The following MCTP2 variants were observed in gnomAD, a reference collection of about 807,000 sequenced individuals.
MCTP2 encodes multiple C2 and transmembrane domain-containing protein 2.
A neutral mutation model predicts 111.6 loss-of-function variants in MCTP2; 132 were observed. The observed-to-expected ratio is 1.18, with a 90% CI of 1.03 to 1.37. MCTP2 has a LOEUF of 1.37. Among genes scored for constraint, MCTP2 ranks in the 40% most tolerant of loss-of-function variants. MCTP2 has a pLI of 0.00. For missense variants in MCTP2, 1,183 were observed against 1,067.9 expected, an observed-to-expected ratio of 1.11 and a Z score of -1.50; for synonymous variants, 395 against 387.7, an observed-to-expected ratio of 1.02 and a Z score of -0.22.
intron 19 of MCTP2, among the ~76,000 whole-genome samples, chr15:94,449,236 T>A: frequency 1.3e-5 from 2 of 152,350 alleles, no homozygotes; most frequent in Middle Eastern, 6.8e-3. Context: ...CAATTAGATT[T>A]ATGAAAATAT....
At chr15:94,407,287 A>G (rs1567644975) in intron 17 of MCTP2, among the ~76,000 whole-genome samples, 1 of 152,220 alleles carries the variant, frequency 6.6e-6, no homozygotes. Flanking sequence ...TGATGCTTTT[A>G]ACATAGAATT....
intron 17 of MCTP2, among the ~76,000 whole-genome samples, chr15:94,410,694 C>G (rs1182390194): frequency 1.3e-5 from 2 of 152,198 alleles, no homozygotes; most frequent in African/African-American, 4.8e-5. Context: ...AAGGCCCAGT[C>G]TTTCATCTTT....
chr15:94,345,603 A>C (rs1412393611), intron 8 of MCTP2, among the ~76,000 whole-genome samples: 4 of 152,138 alleles, frequency 2.6e-5, no homozygotes, highest in East Asian at 3.8e-4. Flanking sequence ...TTTTTGGTAA[A>C]ATTTCCTTTA....
chr15:94,283,362 G>A (rs1413425720), intron 1 of MCTP2, among the ~76,000 whole-genome samples: 2 of 152,178 alleles, frequency 1.3e-5, no homozygotes, highest in Non-Finnish European at 2.9e-5. Context: ...AGCCTTGGGG[G>A]GTGGGCTTTC....
Position 94,480,629 on chromosome 15 carries a change from C to T in MCTP2, c.*1595C>T, listed in dbSNP as rs2074678246. 1 of 152,234 alleles carries T rather than the reference C, an allele frequency of 6.6e-6. No individual in the cohort carries two copies. Among genetic ancestry groups the T allele is most frequent in the South Asian group, 2.1e-4 (1 of 4,828 alleles). 9.4% of individuals were successfully genotyped at this position (152,234 alleles called of 1,614,324 possible). On this transcript the variant is annotated 3_prime_UTR_variant, in exon 23 of 23. Transcript: ENST00000357742. Reference sequence around the variant, plus strand: ...TCAATCTTCTGTGTAAACAATGCCTCATTGTCTTGCTTCTAACTATCATCT... The same window carrying T: ...TCAATCTTCTGTGTAAACAATGCCTTATTGTCTTGCTTCTAACTATCATCT...
chr15:94,298,742 G>C lies in MCTP2; in HGVS notation c.465+12G>C. The stretch of plus-strand genomic sequence containing the variant: ...CAGAAGAGCCAGAGGTGAGAATAGG[G>C]CTGGGCTCTCTTTTTTTTTGTCTCT... On this transcript the variant is annotated intron_variant, in intron 2 of 22. Coordinates refer to ENST00000357742, the MANE Select transcript of MCTP2 (RefSeq NM_001385001.1). The C allele has an allele frequency of 6.5e-7, 1 of 1,532,768 alleles. No individual in the cohort carries two copies. Among genetic ancestry groups the C allele is most frequent in the Non-Finnish European group, 8.7e-7 (1 of 1,142,872 alleles). 94.9% of individuals were successfully genotyped at this position (1,532,768 alleles called of 1,614,324 possible). A position where few individuals can be genotyped will look rare whatever the true frequency, so the allele number is the denominator to read the frequency against.
chr15:94,240,983 A>T (rs973865887), intron 1 of MCTP2, among the ~76,000 whole-genome samples: 1 of 152,184 alleles, frequency 6.6e-6, no homozygotes, highest in Non-Finnish European at 1.5e-5. Flanking sequence ...TATTATTAGC[A>T]TTAAGACACA....
intron 21 of MCTP2, 45 bp from the exon 22 acceptor site, chr15:94,476,644 ATAGATAG>A (rs1477189560): frequency 4.9e-5 from 45 of 909,980 alleles, no homozygotes; most frequent in Non-Finnish European, 7.4e-5. Context: ...AGATAGATAG[ATAGATAG>A]ACAGACAGAC....
chr15:94,367,545 G>A, intron 10 of MCTP2, 60 bp from the exon 11 acceptor site: 1 of 1,321,580 alleles, frequency 7.6e-7, no homozygotes, highest in Non-Finnish European at 1.1e-6. Flanking sequence ...TGCTTTGGAG[G>A]TACTGCAGTG....
intron 12 of MCTP2, 142 bp downstream of exon 12, chr15:94,370,322 G>A (rs2079415873): frequency 1.8e-6 from 1 of 545,610 alleles, no homozygotes. Flanking sequence ...CAAAAAAGAG[G>A]CAGACTTGAG....
At chr15:94,267,917 G>A (rs1189753192) in intron 1 of MCTP2, among the ~76,000 whole-genome samples, 2 of 114,322 alleles carry the variant, frequency 1.7e-5, no homozygotes, top group East Asian at 5.3e-4. Flanking sequence ...CCAGGCTAGA[G>A]TGCAGAGGCG....
chr15:94,241,563 GTAT>G (rs1238319559), intron 1 of MCTP2, among the ~76,000 whole-genome samples: 1 of 152,074 alleles, frequency 6.6e-6, no homozygotes, highest in East Asian at 1.9e-4. Context: ...CAAGGCATTT[GTAT>G]TATTGTTGCT....
At chr15:94,312,943 G>A (rs2076213754) in intron 2 of MCTP2, among the ~76,000 whole-genome samples, 1 of 152,112 alleles carries the variant, frequency 6.6e-6, no homozygotes, top group African/African-American at 2.4e-5. Flanking sequence ...CTGCCATCAA[G>A]CTGGATGTCT....
At chr15:94,417,697 A>G (rs1406319822) in intron 17 of MCTP2, among the ~76,000 whole-genome samples, 2 of 152,128 alleles carry the variant, frequency 1.3e-5, no homozygotes, top group African/African-American at 4.8e-5. Flanking sequence ...AGTGGCAAGT[A>G]TGTGTGGCTC....
chr15:94,395,060 G>C (rs921664117), intron 14 of MCTP2, among the ~76,000 whole-genome samples: 3 of 152,144 alleles, frequency 2.0e-5, no homozygotes, highest in African/African-American at 7.2e-5. Context: ...GGTGCTGTTT[G>C]TATAACTCAC....
intron 14 of MCTP2, among the ~76,000 whole-genome samples, chr15:94,392,363 C>T (rs2081033865): frequency 6.8e-6 from 1 of 147,866 alleles, no homozygotes; most frequent in Admixed American, 6.7e-5. Flanking sequence ...CCAAGCGAGA[C>T]TCCATCTCAA....
chr15:94,421,611 G>A (rs1479642032), intron 17 of MCTP2, among the ~76,000 whole-genome samples: 2 of 152,148 alleles, frequency 1.3e-5, no homozygotes, highest in African/African-American at 4.8e-5. Context: ...TTCAGATCCA[G>A]CAAGGGAAGA....
Position 94,384,127 on chromosome 15 carries a change from A to G in MCTP2, c.1685+3A>G. The G allele has an allele frequency of 1.9e-6, 3 of 1,602,212 alleles. No individual in the cohort carries two copies. Among genetic ancestry groups the G allele is most frequent in the Non-Finnish European group, 2.6e-6 (3 of 1,169,938 alleles). ...GAATGGAACAAAGTTTTTACATTGT[A>G]AGTGCTTTAGCCTCTGGAATTATTT... is the stretch of plus-strand genomic sequence containing the variant. On this transcript the variant is annotated splice_donor_region_variant and intron_variant, in intron 13 of 22. Coordinates refer to ENST00000357742, the MANE Select transcript of MCTP2 (RefSeq NM_001385001.1).
At chr15:94,390,090 GTATATATA>G (rs1168909587) in intron 14 of MCTP2, among the ~76,000 whole-genome samples, 22,735 of 64,616 alleles carry the variant, frequency 0.35, 3,350 homozygotes, top group East Asian at 0.59. Context: ...ATATATATAT[GTATATATA>G]TATATATATA....
Sources: allele counts gnomAD v4.1 joint callset (sites outside exome capture counted in the v4.1 genomes callset), GRCh38; gene constraint gnomAD v4.1.1; transcripts MANE v1.5; gene names NCBI Gene and HGNC (gene_info 2026-07-23, HGNC 2026-07-21).